Variants in ICAM2 observed in about 807,000 individuals in gnomAD.
ICAM2 encodes intercellular adhesion molecule 2.
In ICAM2, 14 loss-of-function variants were observed where a neutral mutation model predicts 19.1. The ratio of observed to expected loss-of-function variants is 0.73; its 90% confidence interval spans 0.48 to 1.15. The LOEUF is 1.15. Ranked by LOEUF, ICAM2 falls within the 50% of genes most tolerant of loss-of-function variation. The pLI is 0.00. For missense variants in ICAM2, 311 were observed against 355.4 expected, an observed-to-expected ratio of 0.88 and a Z score of 1.00; for synonymous variants, 153 against 152.7, an observed-to-expected ratio of 1.00 and a Z score of -0.01.
intron 4 of ICAM2, chr17:64,003,196 G>A: frequency 2.0e-6 from 1 of 494,594 alleles, no homozygotes; most frequent in Non-Finnish European, 3.7e-6. Context: ...CATGGGACCA[G>A]TGTGTAGCTG....
At chr17:64,013,918 A>C (rs1445867054) in intron 1 of ICAM2, among the ~76,000 whole-genome samples, 7 of 152,068 alleles carry the variant, frequency 4.6e-5, no homozygotes, top group Admixed American at 3.3e-4. Context: ...TGATGCGGAC[A>C]GAAAAAAAAA....
At position 64,002,791 on chromosome 17, in the gene ICAM2, C is replaced by A. The variant is rs1274606891; in HGVS notation, c.784G>T (p.Val262Leu). ...LRQQRMGTYG[V>L]RAAWRRLPQA... is the part of the protein sequence containing the mutation. ...GGCAGCCTCCTCCAAGCCGCTCGCA[C>A]CCCGTAGGTGCCCATCCGCTGCTGG... Residue 262 changes from valine to leucine, a missense_variant, in exon 5 of 5, where the codon GTG becomes TTG. By Grantham distance (32) the Val-to-Leu change is conservative (BLOSUM62 1). Coordinates refer to ENST00000579788, the MANE Select transcript of ICAM2 (RefSeq NM_001099789.2). The A allele has an allele frequency of 1.2e-6, 2 of 1,613,546 alleles. No homozygotes were observed. The highest frequency in any genetic ancestry group is 3.3e-5 in the Admixed American group (2 of 60,022).
rs1387661170 is a variant in ICAM2, at chr17:64,019,730, C to T, written c.-45+793G>A. ...ACTTGGGAGGCTGAGACAAGAGAAT[C>T]GCTTGAACCCAGCAGGCGAAGGTTG... On this transcript the variant is annotated intron_variant, in intron 1 of 4. Coordinates refer to ENST00000579788, the MANE Select transcript of ICAM2 (RefSeq NM_001099789.2). Among the ~76,000 whole-genome samples the T allele has an allele frequency of 1.6e-4, 24 of 148,250 alleles. 1 individual carries two copies. Among genetic ancestry groups the T allele is most frequent in the Admixed American group, 8.9e-4 (13 of 14,546 alleles).
At chr17:64,003,576 A>G in intron 4 of ICAM2, 68 bp downstream of exon 4, 3 of 1,465,586 alleles carry the variant, frequency 2.0e-6, no homozygotes, top group Non-Finnish European at 2.8e-6. Context: ...GGGACTCAAG[A>G]TTTTTCTTCC....
At chr17:64,020,060 G>A (rs1455907776) in intron 1 of ICAM2, among the ~76,000 whole-genome samples, 1 of 152,124 alleles carries the variant, frequency 6.6e-6, no homozygotes, top group Non-Finnish European at 1.5e-5. Flanking sequence ...CCATGGGTTA[G>A]GAAAGACCCC....
intron 3 of ICAM2, 132 bp downstream of exon 3, chr17:64,004,974 AC>A: frequency 9.6e-7 from 1 of 1,039,222 alleles, no homozygotes; most frequent in Non-Finnish European, 1.4e-6. Flanking sequence ...GCCCCTTGTC[AC>A]CCCAGGAGCT....
At chr17:64,003,348 C>T in intron 4 of ICAM2, 1 of 476,334 alleles carries the variant, frequency 2.1e-6, no homozygotes, top group Non-Finnish European at 3.8e-6. Flanking sequence ...TCAGTGGGGG[C>T]AGTCAGGCCA....
rs1598019501 is a variant in ICAM2, at chr17:64,006,593, G to A, written c.61+38C>T. The A allele has an allele frequency of 3.1e-6, 5 of 1,592,310 alleles. No homozygotes were observed. In the East Asian group the frequency reaches 9.0e-5, roughly 29 times the overall value. On this transcript the variant is annotated intron_variant, in intron 2 of 4. Coordinates refer to ENST00000579788, the MANE Select transcript of ICAM2 (RefSeq NM_001099789.2). ...CAGGGCACCCCCACCCTCTCGGCTG[G>A]CATGTGCCAAATCAGGAACCCCAGG... is the stretch of plus-strand genomic sequence containing the variant.
chr17:64,013,722 A>G (rs1469113802), intron 1 of ICAM2, among the ~76,000 whole-genome samples: 1 of 152,182 alleles, frequency 6.6e-6, no homozygotes, highest in East Asian at 1.9e-4. Flanking sequence ...GTGAGTACCT[A>G]GAATAAAGGG....
intron 4 of ICAM2, chr17:64,003,159 G>C (rs1266446875): frequency 1.9e-6 from 1 of 535,802 alleles, no homozygotes; most frequent in East Asian, 3.1e-5. Context: ...GTGTGGCTGT[G>C]AGGGCAGATG....
rs1292199926 is a variant in ICAM2 at position 64,005,183 on chromosome 17, G to A, written c.252C>T (p.Ser84=). 3 of 1,614,012 alleles carry A rather than the reference G, an allele frequency of 1.9e-6. No homozygotes were observed. The highest frequency in any genetic ancestry group is 3.3e-5 in the Admixed American group (2 of 60,008). ...QWKHYLVSNI[S]HDTVLQCHFT... ...AGTGGCATTGGAGGACCGTGTCATG[G>A]GAGATGTTTGAGACCAAGTAATGTT... Residue 84 remains serine (S), a synonymous_variant, in exon 3 of 5, where the codon TCC becomes TCT. Coordinates refer to ENST00000579788, the MANE Select transcript of ICAM2 (RefSeq NM_001099789.2).
At chr17:64,013,884 C>CATAT (rs1166237639) in intron 1 of ICAM2, among the ~76,000 whole-genome samples, 1 of 151,772 alleles carries the variant, frequency 6.6e-6, no homozygotes. Flanking sequence ...GAAATTTTAA[C>CATAT]ATATGTCTCT....
At chr17:64,018,530 C>G (rs193122216) in intron 1 of ICAM2, among the ~76,000 whole-genome samples, 1 of 151,534 alleles carries the variant, frequency 6.6e-6, no homozygotes, top group African/African-American at 2.4e-5. Flanking sequence ...TTGGAGAGGC[C>G]GTAGGTTAAT....
At chr17:64,014,437 A>AAG (rs796292502) in intron 1 of ICAM2, among the ~76,000 whole-genome samples, 1 of 126,530 alleles carries the variant, frequency 7.9e-6, no homozygotes, top group Admixed American at 7.8e-5. Context: ...GGAAGGAAGG[A>AAG]AGAGAGAGAG....
chr17:64,011,318 T>C (rs1396731561), intron 1 of ICAM2, among the ~76,000 whole-genome samples: 2 of 152,084 alleles, frequency 1.3e-5, no homozygotes, highest in Non-Finnish European at 2.9e-5. Context: ...AAAAAGTAGC[T>C]GGGCGTAGTG....
chr17:64,013,301 C>T (rs529210232), intron 1 of ICAM2, among the ~76,000 whole-genome samples: 1 of 151,820 alleles, frequency 6.6e-6, no homozygotes, highest in South Asian at 2.1e-4. Flanking sequence ...AACAGAGTCT[C>T]ACTCTGTCTC....
intron 1 of ICAM2, among the ~76,000 whole-genome samples, chr17:64,007,251 T>C (rs1309892536): frequency 6.6e-6 from 1 of 150,698 alleles, no homozygotes; most frequent in East Asian, 1.9e-4. Context: ...CTCAGTTTTC[T>C]TTTCTTTTTC....
intron 1 of ICAM2, chr17:64,006,967 C>G: frequency 1.9e-6 from 1 of 515,510 alleles, no homozygotes; most frequent in Admixed American, 3.4e-5. Flanking sequence ...AGGGGCGGGG[C>G]AGGCAATGGG....
intron 1 of ICAM2, among the ~76,000 whole-genome samples, chr17:64,013,043 T>C (rs1461828906): frequency 6.6e-6 from 1 of 152,194 alleles, no homozygotes; most frequent in East Asian, 1.9e-4. Context: ...CTGAGTGTGG[T>C]GGCTTATGCT....
Sources: allele counts gnomAD v4.1 joint callset (sites outside exome capture counted in the v4.1 genomes callset), GRCh38; gene constraint gnomAD v4.1.1; transcripts MANE v1.5; gene names NCBI Gene and HGNC (gene_info 2026-07-23, HGNC 2026-07-21).